Variants in MEI4 observed in about 807,000 individuals in gnomAD.
MEI4 encodes the protein meiosis-specific protein MEI4.
Under a neutral mutation model 31.4 loss-of-function variants are expected in MEI4, and 27 were observed. The ratio of observed to expected loss-of-function variants is 0.86; its 90% confidence interval spans 0.63 to 1.19. The LOEUF is 1.19. Ranked by LOEUF, MEI4 falls within the 50% of genes most tolerant of loss-of-function variation. The probability of loss-of-function intolerance (pLI) is 0.00; values close to 1 mark genes in which losing one functional copy is unlikely to be tolerated. For missense variants in MEI4, 329 were observed against 398.9 expected (o/e 0.82, Z 1.49); for synonymous variants, 122 against 145.4 (o/e 0.84, Z 1.16).
intron 4 of MEI4, among the ~76,000 whole-genome samples, chr6:77,874,008 C>A (rs1254162321): frequency 1.3e-5 from 2 of 152,118 alleles, no homozygotes; most frequent in African/African-American, 4.8e-5. Flanking sequence ...GTTACTGTAG[C>A]CTTGTAGTAT....
At chr6:77,772,915 G>T (rs1286094413) in intron 3 of MEI4, among the ~76,000 whole-genome samples, 1 of 151,822 alleles carries the variant, frequency 6.6e-6, no homozygotes, top group East Asian at 1.9e-4. Flanking sequence ...AGTGAAAAAT[G>T]TTAAAAAGAA....
intron 3 of MEI4, among the ~76,000 whole-genome samples, chr6:77,799,231 C>G (rs1377134156): frequency 2.0e-5 from 3 of 152,172 alleles, no homozygotes; most frequent in Non-Finnish European, 4.4e-5. Context: ...ATTTGCATTT[C>G]TCTGATGGCC....
intron 2 of MEI4, among the ~76,000 whole-genome samples, chr6:77,749,256 G>A (rs1168147383): frequency 6.6e-6 from 1 of 152,114 alleles, no homozygotes; most frequent in Non-Finnish European, 1.5e-5. Context: ...GAAGAAAACT[G>A]AACAGAGAAT....
At chr6:77,863,143 G>A (rs540473823) in intron 4 of MEI4, among the ~76,000 whole-genome samples, 1 of 152,210 alleles carries the variant, frequency 6.6e-6, no homozygotes, top group East Asian at 1.9e-4. Context: ...AAAAAACAGA[G>A]CAGAAAAACT....
At chr6:77,732,168 G>A (rs1478937223) in intron 2 of MEI4, among the ~76,000 whole-genome samples, 4 of 151,700 alleles carry the variant, frequency 2.6e-5, no homozygotes, top group Non-Finnish European at 5.9e-5. Context: ...TGTGAAGAAC[G>A]TCATTGGTAG....
chr6:77,740,321 C>A (rs1466045944), intron 2 of MEI4, among the ~76,000 whole-genome samples: 2 of 152,120 alleles, frequency 1.3e-5, no homozygotes, highest in African/African-American at 4.8e-5. Flanking sequence ...AGATGTCTAT[C>A]AGGTCCATTT....
chr6:77,800,499 G>T (rs1769220471), intron 3 of MEI4, among the ~76,000 whole-genome samples: 2 of 151,966 alleles, frequency 1.3e-5, no homozygotes, highest in Non-Finnish European at 2.9e-5. Context: ...CCTTCTGCCT[G>T]ATTGCCATGG....
At chr6:77,678,158 A>C (rs1371760473) in intron 1 of MEI4, among the ~76,000 whole-genome samples, 1 of 152,182 alleles carries the variant, frequency 6.6e-6, no homozygotes, top group Non-Finnish European at 1.5e-5. Flanking sequence ...TCAGTAAAAC[A>C]CCCCTTTCAT....
intron 4 of MEI4, among the ~76,000 whole-genome samples, chr6:77,910,925 G>GTTTTTTTTT (rs58959367): frequency 1.7e-5 from 2 of 120,580 alleles, no homozygotes; most frequent in Non-Finnish European, 3.5e-5. Context: ...CCAGCTTCTG[G>GTTTTTTTTT]TTTTTTTTTT....
chr6:77,744,069 C>T (rs918448791), intron 2 of MEI4, among the ~76,000 whole-genome samples: 2 of 152,182 alleles, frequency 1.3e-5, no homozygotes, highest in Admixed American at 6.5e-5. Context: ...CACCTCTCCT[C>T]CTCCAAAGGA....
At chr6:77,744,422 A>G (rs1410137302) in intron 2 of MEI4, among the ~76,000 whole-genome samples, 1 of 152,190 alleles carries the variant, frequency 6.6e-6, no homozygotes, top group Non-Finnish European at 1.5e-5. Context: ...TTAGAGAAAA[A>G]AGAATAAAAA....
At position 77,923,501 on chromosome 6, in the gene MEI4, T is replaced by G. The variant is rs1766761824; in HGVS notation, c.*155T>G. 1 of 680,004 alleles carries G rather than the reference T, an allele frequency of 1.5e-6. No homozygotes were observed. The highest frequency in any genetic ancestry group is 2.0e-6 in the Non-Finnish European group (1 of 490,170). The allele number at this position is 680,004 out of a possible 1,614,324, so 42.1% of individuals were successfully genotyped here. A position where few individuals can be genotyped will look rare whatever the true frequency, so the allele number is the denominator to read the frequency against. ...TTCAACTTAATGGTTAGTCTTAAATTGTATGAAATTTTATGAGTCATATTT... is the reference window on the plus strand; with the variant it reads ...TTCAACTTAATGGTTAGTCTTAAATGGTATGAAATTTTATGAGTCATATTT... On this transcript the variant is annotated 3_prime_UTR_variant, in exon 5 of 5. Coordinates refer to ENST00000684080, the MANE Select transcript of MEI4 (RefSeq NM_001322247.2).
rs557568009 is a variant in MEI4, at chr6:77,922,580, A to ACATTT, written c.901-507_901-503dup. Among the ~76,000 whole-genome samples, 296 of 151,840 alleles carry ACATTT rather than the reference A, an allele frequency of 1.9e-3. 1 individual carries two copies. Among genetic ancestry groups the ACATTT allele is most frequent in the African/African-American group, 6.4e-3 (267 of 41,500 alleles). On this transcript the variant is annotated intron_variant, in intron 4 of 4. Transcript: ENST00000684080. ...ATTAAAAGTTCTACAAGATGCATCTACATTTCTTCTCATGACTATGTATAT... is the reference window on the plus strand; with the variant it reads ...ATTAAAAGTTCTACAAGATGCATCTACATTTCATTTCTTCTCATGACTATGTATAT...
intron 4 of MEI4, among the ~76,000 whole-genome samples, chr6:77,855,859 C>T (rs571616420): frequency 6.6e-6 from 1 of 152,104 alleles, no homozygotes; most frequent in Non-Finnish European, 1.5e-5. Flanking sequence ...TTAGAATATT[C>T]TAATCTTCTT....
chr6:77,664,338 A>C (rs1768578384), intron 1 of MEI4, among the ~76,000 whole-genome samples: 1 of 152,162 alleles, frequency 6.6e-6, no homozygotes, highest in Non-Finnish European at 1.5e-5. Context: ...GCTGCCAAAC[A>C]AGTCATGAAG....
intron 4 of MEI4, among the ~76,000 whole-genome samples, chr6:77,876,625 T>C (rs1771347538): frequency 6.6e-6 from 1 of 152,198 alleles, no homozygotes; most frequent in African/African-American, 2.4e-5. Context: ...AGGTATCAAG[T>C]ATCTAGCACA....
chr6:77,747,783 A>C (rs1271457107), intron 2 of MEI4, among the ~76,000 whole-genome samples: 6 of 152,316 alleles, frequency 3.9e-5, no homozygotes, highest in East Asian at 3.9e-4. Context: ...AAAAATTCAC[A>C]GTCCAAAGTC....
intron 4 of MEI4, among the ~76,000 whole-genome samples, chr6:77,842,145 G>C (rs894171782): frequency 7.2e-5 from 11 of 152,010 alleles, no homozygotes; most frequent in Admixed American, 2.6e-4. Context: ...CTTTTCAAGG[G>C]GGATTGAGAT....
At chr6:77,781,019 C>G (rs759212597) in intron 3 of MEI4, among the ~76,000 whole-genome samples, 5 of 151,924 alleles carry the variant, frequency 3.3e-5, no homozygotes, top group African/African-American at 9.7e-5. Flanking sequence ...CTCTAGTAGC[C>G]GAGACTGCAT....
Sources: gnomAD v4.1 joint callset for allele counts (sites outside exome capture counted in the v4.1 genomes callset) on GRCh38, gnomAD v4.1.1 for gene constraint, MANE v1.5 for transcripts, NCBI Gene and HGNC (gene_info 2026-07-23, HGNC 2026-07-21) for gene names.